ROCK2: variants seen among roughly 807,000 people sequenced by gnomAD.
ROCK2 encodes Rho associated coiled-coil containing protein kinase 2, also known as rho-associated protein kinase 2.
Under a neutral mutation model 195.1 loss-of-function variants are expected in ROCK2, and 61 were observed. The observed-to-expected ratio is 0.31, with a 90% CI of 0.25 to 0.39. The LOEUF is 0.39. ROCK2 is among the 10% of genes least tolerant of loss of function. The pLI, the probability that ROCK2 is intolerant of heterozygous loss-of-function variation, is 1.00. For missense variants in ROCK2, 1,109 were observed against 1,637.4 expected (o/e 0.68, Z 5.57); for synonymous variants, 504 against 545.5 (o/e 0.92, Z 1.06).
At chr2:11,244,045 A>C (rs530602692) in intron 4 of ROCK2, among the ~76,000 whole-genome samples, 24 of 152,352 alleles carry the variant, frequency 1.6e-4, no homozygotes, top group African/African-American at 5.3e-4. Context: ...ATATTTTTAC[A>C]CACCAGCATT....
intron 4 of ROCK2, 74 bp downstream of exon 4, chr2:11,249,587 C>T: frequency 1.7e-6 from 2 of 1,199,668 alleles, no homozygotes; most frequent in Admixed American, 3.0e-5. Context: ...AGACTTGGCA[C>T]ACAAAAATCA....
rs1171441372 is a variant in ROCK2, at chr2:11,222,160, C to G, written c.1022G>C (p.Gly341Ala). ...AFLTDREVRL[G>A]RNGVEEIRQH... The stretch of plus-strand genomic sequence containing the variant: ...TCTGATTTCTTCCACCCCATTTCTC[C>G]CAAGTCGTACCTCCCTAAACAATGC... The change falls in exon 8 of 33, where the codon GGG becomes GCG. Residue 341 changes from glycine to alanine, a missense_variant. By Grantham distance (60) the Gly-to-Ala change is moderately conservative. Transcript: ENST00000315872. 1 of 1,603,390 alleles carries G rather than the reference C, an allele frequency of 6.2e-7. No individual in the cohort carries two copies. The highest frequency in any genetic ancestry group is 8.5e-7 in the Non-Finnish European group (1 of 1,171,018).
intron 29 of ROCK2, 92 bp from the exon 30 acceptor site, chr2:11,193,949 G>C: frequency 1.6e-6 from 1 of 613,368 alleles, no homozygotes; most frequent in South Asian, 2.6e-5. Context: ...GTTAAACACT[G>C]ACTACTTTGA....
At chr2:11,311,920 C>T (rs1015389579) in intron 1 of ROCK2, among the ~76,000 whole-genome samples, 2 of 152,092 alleles carry the variant, frequency 1.3e-5, no homozygotes, top group Non-Finnish European at 2.9e-5. Context: ...TATTACTATC[C>T]CCCTCCCTTT....
chr2:11,313,796 G>A (rs764075161), intron 1 of ROCK2, among the ~76,000 whole-genome samples: 1 of 151,730 alleles, frequency 6.6e-6, no homozygotes, highest in African/African-American at 2.4e-5. Flanking sequence ...ATTATCTGGA[G>A]TTTATTTTGG....
chr2:11,301,880 G>A (rs1027522070), intron 1 of ROCK2, among the ~76,000 whole-genome samples: 4 of 151,870 alleles, frequency 2.6e-5, no homozygotes, highest in Non-Finnish European at 5.9e-5. Flanking sequence ...CTTACTTCAA[G>A]TCATTCCCTC....
chr2:11,282,855 C>T (rs1407995967), intron 3 of ROCK2, among the ~76,000 whole-genome samples: 1 of 151,888 alleles, frequency 6.6e-6, no homozygotes, highest in Non-Finnish European at 1.5e-5. Context: ...ACCCACCTGA[C>T]AAAGGTCTAT....
At chr2:11,343,069 A>C (rs1265233029) in intron 1 of ROCK2, among the ~76,000 whole-genome samples, 2 of 152,172 alleles carry the variant, frequency 1.3e-5, no homozygotes, top group African/African-American at 2.4e-5. Context: ...CTCCCACCCT[A>C]GTTCTAGTCT....
At position 11,196,527 on chromosome 2, in the gene ROCK2, C is replaced by T. The variant is rs145663362; in HGVS notation, c.3448+653G>A. Among the ~76,000 whole-genome samples the T allele has an allele frequency of 7.0e-3, 1,063 of 152,218 alleles. 14 individuals are homozygous for T. The highest frequency in any genetic ancestry group is 0.024 in the African/African-American group (1,011 of 41,528). On this transcript the variant is annotated intron_variant, in intron 27 of 32. Coordinates refer to ENST00000315872, the MANE Select transcript of ROCK2 (RefSeq NM_004850.5). Reference sequence around the variant, plus strand: ...ATGCCATGAGAAAATACCTTAAAAACAAATTCTTTATTCATGCAGCAGTTT... The same window carrying T: ...ATGCCATGAGAAAATACCTTAAAAATAAATTCTTTATTCATGCAGCAGTTT...
intron 3 of ROCK2, among the ~76,000 whole-genome samples, chr2:11,252,259 A>C (rs1665857236): frequency 6.6e-6 from 1 of 151,984 alleles, no homozygotes; most frequent in Non-Finnish European, 1.5e-5. Context: ...AAAAATACAA[A>C]AATTAGCTTG....
chr2:11,206,064 A>C (rs1055680857), intron 20 of ROCK2, among the ~76,000 whole-genome samples: 5 of 152,018 alleles, frequency 3.3e-5, no homozygotes, highest in African/African-American at 9.7e-5. Context: ...AGCTGAGACC[A>C]CACTATTGCA....
At chr2:11,194,570 AT>A (rs997592792) in intron 28 of ROCK2, among the ~76,000 whole-genome samples, 3 of 151,972 alleles carry the variant, frequency 2.0e-5, no homozygotes, top group Non-Finnish European at 4.4e-5. Flanking sequence ...GTAAAGTCAA[AT>A]TTTTTTGGAC....
intron 5 of ROCK2, among the ~76,000 whole-genome samples, chr2:11,233,094 G>T (rs1417244277): frequency 6.6e-6 from 1 of 151,902 alleles, no homozygotes. Context: ...TACGCCTGTT[G>T]TCCCAGCTAC....
At chr2:11,267,758 G>A (rs1223588905) in intron 3 of ROCK2, among the ~76,000 whole-genome samples, 2 of 148,064 alleles carry the variant, frequency 1.4e-5, no homozygotes, top group African/African-American at 2.5e-5. Flanking sequence ...CTGGAGTGCA[G>A]TGGCACGATC....
chr2:11,308,861 G>A, intron 1 of ROCK2: 5 of 1,611,892 alleles, frequency 3.1e-6, no homozygotes, highest in Non-Finnish European at 4.2e-6. Context: ...GAAACCCACT[G>A]ACTTTAAAAG....
In ROCK2 at chr2:11,194,257, C is replaced by G. The variant is rs1663540553; in HGVS notation, c.3607G>C (p.Asp1203His). The G allele has an allele frequency of 1.5e-6, 2 of 1,320,116 alleles. No individual in the cohort carries two copies. Among genetic ancestry groups the G allele is most frequent in the Admixed American group, 2.2e-5 (1 of 46,092 alleles). 81.8% of individuals were successfully genotyped at this position (1,320,116 alleles called of 1,614,324 possible). The change falls in exon 29 of 33, where the codon GAC becomes CAC. Residue 1203 changes from aspartate to histidine, a missense_variant and splice_region_variant. Transcript: ENST00000315872. ...AAATATTCTAACAAAAACACTTACT[C>G]TATATCTAAAACCATGTAAGGATTG... Reference protein sequence around the residue: ...QSNPYMVLDIDKLFHVRPVTQ... With the variant: ...QSNPYMVLDIHKLFHVRPVTQ...
At chr2:11,316,071 C>T (rs914739859) in intron 1 of ROCK2, among the ~76,000 whole-genome samples, 1 of 151,986 alleles carries the variant, frequency 6.6e-6, no homozygotes, top group Non-Finnish European at 1.5e-5. Context: ...TTGGATATAC[C>T]CTAAGAAAGC....
chr2:11,297,249 T>C (rs955092404), intron 1 of ROCK2, among the ~76,000 whole-genome samples: 2 of 152,134 alleles, frequency 1.3e-5, no homozygotes, highest in African/African-American at 2.4e-5. Context: ...AAGGGAATTA[T>C]GTATATGAAA....
chr2:11,304,891 A>G (rs1191200415), intron 1 of ROCK2, among the ~76,000 whole-genome samples: 2 of 152,208 alleles, frequency 1.3e-5, no homozygotes, highest in African/African-American at 2.4e-5. Flanking sequence ...CCACAGTTTT[A>G]CAGGGTTGGG....
Sources: gnomAD v4.1 joint callset for allele counts (sites outside exome capture counted in the v4.1 genomes callset) on GRCh38, gnomAD v4.1.1 for gene constraint, MANE v1.5 for transcripts, NCBI Gene and HGNC (gene_info 2026-07-23, HGNC 2026-07-21) for gene names.